The following PCDH19 variants were observed in gnomAD, a reference collection of about 807,000 sequenced individuals.
The protein encoded by PCDH19 is protocadherin 19, also known as protocadherin-19.
Under a neutral mutation model 46.2 loss-of-function variants are expected in PCDH19, and 6 were observed. The observed-to-expected ratio is 0.13, with a 90% CI of 0.07 to 0.26. The LOEUF (loss-of-function observed/expected upper bound fraction) is 0.26. PCDH19 is among the 10% of genes least tolerant of loss of function. The pLI is 1.00. For missense variants in PCDH19, 740 were observed against 972.3 expected, an observed-to-expected ratio of 0.76 and a Z score of 3.18; for synonymous variants, 481 against 415.7, an observed-to-expected ratio of 1.16 and a Z score of -1.91.
intron 3 of PCDH19, among the ~76,000 whole-genome samples, chrX:100,360,573 TA>T (rs1373623121): frequency 8.9e-6 from 1 of 112,363 alleles, no homozygotes; most frequent in Admixed American, 9.4e-5. Flanking sequence ...ACAAAAAATA[TA>T]AACAGATTAT....
chrX:100,398,729 T>G (rs1194807485), intron 3 of PCDH19, among the ~76,000 whole-genome samples: 1 of 112,247 alleles, frequency 8.9e-6, no homozygotes. Flanking sequence ...CAATGCTTGC[T>G]GACTTGATCT....
intron 5 of PCDH19, among the ~76,000 whole-genome samples, chrX:100,334,595 A>G (rs1450291337): frequency 1.8e-5 from 2 of 110,856 alleles, no homozygotes; most frequent in African/African-American, 6.6e-5. Flanking sequence ...GGCCCCCACT[A>G]CTCAGCTCAG....
At chrX:100,399,582 T>C (rs1928119693) in intron 3 of PCDH19, among the ~76,000 whole-genome samples, 1 of 111,300 alleles carries the variant, frequency 9.0e-6, no homozygotes, top group African/African-American at 3.3e-5. Context: ...CCGAGTCCAG[T>C]GGCCTTTGGT....
chrX:100,309,803 A>G (rs1313986991), intron 5 of PCDH19, among the ~76,000 whole-genome samples: 3 of 112,469 alleles, frequency 2.7e-5, no homozygotes, highest in Non-Finnish European at 3.8e-5. Context: ...CCTGGTTAGC[A>G]TAACTTGGCA....
At chrX:100,312,101 C>T (rs1293713891) in intron 5 of PCDH19, among the ~76,000 whole-genome samples, 1 of 86,068 alleles carries the variant, frequency 1.2e-5, no homozygotes, top group African/African-American at 3.5e-5. Context: ...TTTCCTAAAA[C>T]ATTGAGAGAG....
chrX:100,401,617 A>C (rs2147532096), intron 3 of PCDH19, among the ~76,000 whole-genome samples: 1 of 108,483 alleles, frequency 9.2e-6, no homozygotes, highest in South Asian at 4.1e-4. Context: ...GTGCCATTGC[A>C]CTCTAGCCTG....
At chrX:100,381,700 C>A (rs1170013298) in intron 3 of PCDH19, among the ~76,000 whole-genome samples, 1 of 111,866 alleles carries the variant, frequency 8.9e-6, no homozygotes, top group Non-Finnish European at 1.9e-5. Flanking sequence ...GTGCAGAGAA[C>A]CACTCCTAAA....
Position 100,295,905 on chromosome X carries a change from TCAC to T in PCDH19, c.*369_*371del. 1 of 166,622 alleles carries T rather than the reference TCAC, an allele frequency of 6.0e-6. No homozygotes were observed. The highest frequency in any genetic ancestry group is 1.1e-5 in the Non-Finnish European group (1 of 87,623). The allele number at this position is 166,622 out of a possible 1,213,427, so 13.7% of individuals were successfully genotyped here. A position where few individuals can be genotyped will look rare whatever the true frequency, so the allele number is the denominator to read the frequency against. On this transcript the variant is annotated 3_prime_UTR_variant, in exon 6 of 6. Coordinates refer to ENST00000373034, the MANE Select transcript of PCDH19 (RefSeq NM_001184880.2). The stretch of plus-strand genomic sequence containing the variant: ...TAAAGGTGTCCAGAGCTTTTTTTTT[TCAC>T]TTTTTGCTTTTTTAAATGTAATCCT...
At chrX:100,373,155 C>T (rs750091181) in intron 3 of PCDH19, among the ~76,000 whole-genome samples, 5 of 112,285 alleles carry the variant, frequency 4.5e-5, no homozygotes, top group Admixed American at 9.4e-5. Context: ...ACTACAGGCG[C>T]GTGCCACCAC....
intron 4 of PCDH19, among the ~76,000 whole-genome samples, chrX:100,343,684 T>C (rs1336905119): frequency 1.8e-5 from 2 of 111,906 alleles, no homozygotes; most frequent in African/African-American, 3.3e-5. Context: ...CTGAAATACC[T>C]AGTAGATGGT....
At chrX:100,394,915 T>C (rs1228458120) in intron 3 of PCDH19, among the ~76,000 whole-genome samples, 2 of 90,731 alleles carry the variant, frequency 2.2e-5, no homozygotes, top group Non-Finnish European at 4.2e-5. Context: ...TGAGACGGAG[T>C]CTCGCTCTGT....
chrX:100,361,492 A>G (rs1347318639), intron 3 of PCDH19, among the ~76,000 whole-genome samples: 1 of 112,154 alleles, frequency 8.9e-6, no homozygotes, highest in East Asian at 2.8e-4. Context: ...CCATCCAGCC[A>G]GCAAGACTTT....
chrX:100,329,999 A>G (rs1018446296), intron 5 of PCDH19, among the ~76,000 whole-genome samples: 5 of 112,751 alleles, frequency 4.4e-5, no homozygotes, highest in Admixed American at 3.7e-4. Flanking sequence ...TCACGTTTGC[A>G]TATGAATGAT....
intron 5 of PCDH19, among the ~76,000 whole-genome samples, chrX:100,328,951 T>C (rs1308609226): frequency 9.0e-6 from 1 of 111,414 alleles, no homozygotes; most frequent in East Asian, 2.8e-4. Flanking sequence ...CACCAAAAGG[T>C]TAATAAGAGA....
chrX:100,398,453 C>T (rs1319070828), intron 3 of PCDH19, among the ~76,000 whole-genome samples: 1 of 112,176 alleles, frequency 8.9e-6, no homozygotes, highest in Non-Finnish European at 1.9e-5. Context: ...AGCTATCTTC[C>T]ATTCAGCACT....
chrX:100,367,819 A>G (rs1216226513), intron 3 of PCDH19, among the ~76,000 whole-genome samples: 1 of 111,449 alleles, frequency 9.0e-6, no homozygotes, highest in Non-Finnish European at 1.9e-5. Context: ...CGGAGGAGAG[A>G]GCAACAGAGA....
At chrX:100,398,066 T>C (rs1484110380) in intron 3 of PCDH19, among the ~76,000 whole-genome samples, 1 of 110,910 alleles carries the variant, frequency 9.0e-6, no homozygotes, top group Non-Finnish European at 1.9e-5. Context: ...ACTAAGTCTA[T>C]GAGTAAAATA....
intron 3 of PCDH19, among the ~76,000 whole-genome samples, chrX:100,388,273 A>C (rs113538425): frequency 0.28 from 30,448 of 107,845 alleles, 3,590 homozygotes; most frequent in Middle Eastern, 0.53. Flanking sequence ...TTTATATATT[A>C]TATATATTTA....
intron 1 of PCDH19, among the ~76,000 whole-genome samples, chrX:100,404,065 G>C (rs564639278): frequency 8.9e-6 from 1 of 111,895 alleles, no homozygotes; most frequent in African/African-American, 3.3e-5. Context: ...AGATCATCTC[G>C]CAAGTCTCAT....
Sources: allele counts gnomAD v4.1 joint callset (sites outside exome capture counted in the v4.1 genomes callset), GRCh38; gene constraint gnomAD v4.1.1; transcripts MANE v1.5; gene names NCBI Gene and HGNC (gene_info 2026-07-23, HGNC 2026-07-21).